Variants in CD163L1 observed in about 807,000 individuals in gnomAD.
CD163L1 encodes the protein CD163 molecule like 1, also known as scavenger receptor cysteine-rich type 1 protein M160.
In CD163L1, 124 loss-of-function variants were observed where a neutral mutation model predicts 165.4. That is an observed-to-expected ratio of 0.75 (90% CI 0.65 to 0.87). The LOEUF (loss-of-function observed/expected upper bound fraction) is 0.87. Among genes scored for constraint, CD163L1 ranks in the 40% least tolerant of loss-of-function variants. CD163L1 has a pLI of 0.00. For missense variants in CD163L1, 1,525 were observed against 1,799.9 expected (o/e 0.85, Z 2.76); for synonymous variants, 585 against 662.2 (o/e 0.88, Z 1.79).
At chr12:7,443,963 AT>A (rs748004296) in intron 1 of CD163L1, 133 bp downstream of exon 1, 1 of 847,918 alleles carries the variant, frequency 1.2e-6, no homozygotes. Context: ...AAAACTTTCA[AT>A]TTTTTTATAT....
intron 4 of CD163L1, among the ~76,000 whole-genome samples, chr12:7,413,833 C>T (rs1310759461): frequency 6.6e-6 from 1 of 152,154 alleles, no homozygotes; most frequent in Non-Finnish European, 1.5e-5. Context: ...AGTACTCAGC[C>T]TGGCTTTGCA....
chr12:7,391,627 T>G (rs902221158), intron 8 of CD163L1, among the ~76,000 whole-genome samples: 1 of 152,088 alleles, frequency 6.6e-6, no homozygotes, highest in Non-Finnish European at 1.5e-5. Context: ...TATCAGTGAT[T>G]GAAGACTTGG....
In CD163L1 at chr12:7,407,813, ACAC is replaced by A. The variant is rs1565801243; in HGVS notation, c.767-964_767-962del. 7.9e-5 allele frequency among the ~76,000 whole-genome samples: 12 copies of A among 151,554 alleles called. No homozygotes were observed. The East Asian group carries it at 2.1e-3, about 27-fold the overall frequency. ...CACACACACACACACACACAGACAC[ACAC>A]ACACACACACATACACACACAAAAT... On this transcript the variant is annotated intron_variant, in intron 4 of 19. Coordinates refer to ENST00000313599, the MANE Select transcript of CD163L1 (RefSeq NM_174941.6).
the CD163L1 span, among the ~76,000 whole-genome samples, chr12:7,339,100 T>G: frequency 6.6e-6 from 1 of 152,192 alleles, no homozygotes; most frequent in African/African-American, 2.4e-5. Flanking sequence ...TATTATAATG[T>G]GAGAAACAAG....
In CD163L1 at chr12:7,410,377, G is replaced by A. The variant is rs1189241228; in HGVS notation, c.767-3525C>T. On this transcript the variant is annotated intron_variant, in intron 4 of 19. Transcript: ENST00000313599. ...TCTCAGCACTTTGGGAGACCAAGGCGGGCAGATCAGTTGAGGTCAGGAGTT... is the reference window on the plus strand; with the variant it reads ...TCTCAGCACTTTGGGAGACCAAGGCAGGCAGATCAGTTGAGGTCAGGAGTT... 2.6e-5 allele frequency among the ~76,000 whole-genome samples: 4 copies of A among 152,060 alleles called. No homozygotes were observed. In the East Asian group the frequency reaches 5.8e-4, roughly 22 times the overall value.
the CD163L1 span, among the ~76,000 whole-genome samples, chr12:7,336,308 C>T: frequency 1.3e-5 from 2 of 150,132 alleles, no homozygotes; most frequent in African/African-American, 4.9e-5. Flanking sequence ...CACATATACA[C>T]CATGGAATAC....
chr12:7,368,139 A>T lies in CD163L1; in HGVS notation c.4131T>A (p.Ile1377=), dbSNP rs1226942975. 4 of 1,613,040 alleles carry T rather than the reference A, an allele frequency of 2.5e-6. No individual in the cohort carries two copies. The African/African-American group carries it at 5.3e-5, about 22-fold the overall frequency. Residue 1377 remains isoleucine (I), a synonymous_variant, in exon 17 of 20, where the codon ATT becomes ATA. Coordinates refer to ENST00000313599, the MANE Select transcript of CD163L1 (RefSeq NM_174941.6). This position sits in a 1 kb window ranked among gnomAD's most constrained non-coding sequence, Gnocchi z 4.3. ...IFGLLLLVLF[I]LFLTWCRVQK... is the part of the protein sequence containing the mutation. ...GAACTCGGCACCACGTGAGAAATAG[A>T]ATAAACAGAACCAGGAGAAGGAGCC...
At chr12:7,440,085 G>C in intron 2 of CD163L1, 1 of 985,172 alleles carries the variant, frequency 1.0e-6, no homozygotes, top group South Asian at 1.5e-5. Context: ...CATCAGCGGC[G>C]TAACGGAAGC....
chr12:7,329,531 T>C, the CD163L1 span, among the ~76,000 whole-genome samples: 1 of 151,948 alleles, frequency 6.6e-6, no homozygotes, highest in Non-Finnish European at 1.5e-5. Flanking sequence ...AAACATATAT[T>C]AAAATACAAA....
chr12:7,429,066 A>T (rs996986368), intron 4 of CD163L1, among the ~76,000 whole-genome samples: 1 of 152,052 alleles, frequency 6.6e-6, no homozygotes, highest in Admixed American at 6.6e-5. Flanking sequence ...TGTGTAGCAA[A>T]GTTTAATAAA....
At chr12:7,357,990 A>G (rs1270342726) in intron 18 of CD163L1, among the ~76,000 whole-genome samples, 3 of 152,132 alleles carry the variant, frequency 2.0e-5, no homozygotes, top group African/African-American at 4.8e-5. Flanking sequence ...CTAGTTTCCC[A>G]TGAAGCCTGT....
downstream of CD163L1, among the ~76,000 whole-genome samples, chr12:7,345,259 C>G (rs755676912): frequency 2.3e-4 from 35 of 151,990 alleles, no homozygotes; most frequent in African/African-American, 8.4e-4. Flanking sequence ...TGAATATAGG[C>G]TGGTAGAAGC....
At chr12:7,434,697 A>G (rs974203183) in intron 2 of CD163L1, among the ~76,000 whole-genome samples, 1 of 148,054 alleles carries the variant, frequency 6.8e-6, no homozygotes, top group Non-Finnish European at 1.5e-5. Flanking sequence ...GGAGAGAGGA[A>G]GAGACAGAAA....
At chr12:7,327,550 C>T in the CD163L1 span, among the ~76,000 whole-genome samples, 1 of 152,098 alleles carries the variant, frequency 6.6e-6, no homozygotes, top group East Asian at 1.9e-4. Flanking sequence ...TTCCTGAAAC[C>T]TTCTTCAAAG....
At chr12:7,441,269 G>A (rs766941494) in intron 1 of CD163L1, 23 bp from the exon 2 acceptor site, 1 of 1,558,422 alleles carries the variant, frequency 6.4e-7, no homozygotes, top group Non-Finnish European at 8.8e-7. Context: ...AATATAGCAG[G>A]GTAGAATTTC....
the CD163L1 span, among the ~76,000 whole-genome samples, chr12:7,341,606 A>G: frequency 0.059 from 8,977 of 152,296 alleles, 378 homozygotes; most frequent in East Asian, 0.17. Flanking sequence ...GTGTGCAGCC[A>G]TTCTGCTAGG....
At chr12:7,357,102 G>A (rs1356817871) in intron 19 of CD163L1, among the ~76,000 whole-genome samples, 1 of 152,076 alleles carries the variant, frequency 6.6e-6, no homozygotes, top group Admixed American at 6.6e-5. Flanking sequence ...AGTATGTGAA[G>A]CTGAGATGTA....
chr12:7,431,286 G>A (rs560182266), intron 4 of CD163L1, among the ~76,000 whole-genome samples: 1 of 151,958 alleles, frequency 6.6e-6, no homozygotes, highest in African/African-American at 2.4e-5. Context: ...GCGTGGTTGC[G>A]GGTGCCTGCA....
At position 7,399,172 on chromosome 12, in the gene CD163L1, C is replaced by T. The variant is rs558313847; in HGVS notation, c.1409-588G>A. On this transcript the variant is annotated intron_variant, in intron 6 of 19. Transcript: ENST00000313599. ...CCTTCCTTCCTTCTTTCCTTCCTTC[C>T]GCCCTCCCTCTTTTCTTTTCCTTTT... Among the ~76,000 whole-genome samples, 236 of 148,076 alleles carry T rather than the reference C, an allele frequency of 1.6e-3. 2 individuals are homozygous for T. Among genetic ancestry groups the T allele is most frequent in the South Asian group, 0.011 (53 of 4,658 alleles).
Sources: allele counts gnomAD v4.1 joint callset (sites outside exome capture counted in the v4.1 genomes callset), GRCh38; gene constraint gnomAD v4.1.1; non-coding constraint Gnocchi (gnomAD v3.1); transcripts MANE v1.5; gene names NCBI Gene and HGNC (gene_info 2026-07-23, HGNC 2026-07-21).